Variants in SPMIP2 observed in about 807,000 individuals in gnomAD.
SPMIP2 encodes the protein sperm microtubule inner protein 2.
At chr4:158,941,219 T>G in the SPMIP2 span, among the ~76,000 whole-genome samples, 13 of 152,212 alleles carry the variant, frequency 8.5e-5, no homozygotes, top group Non-Finnish European at 1.9e-4. Context: ...TTAACATCTG[T>G]GTTTTCTCTC....
At chr4:159,049,157 C>T in the SPMIP2 span, among the ~76,000 whole-genome samples, 2 of 152,168 alleles carry the variant, frequency 1.3e-5, no homozygotes, top group African/African-American at 2.4e-5. Context: ...GATAAAGCAA[C>T]GTCAGTTTGT....
At chr4:159,059,767 G>T in the SPMIP2 span, among the ~76,000 whole-genome samples, 1 of 152,164 alleles carries the variant, frequency 6.6e-6, no homozygotes, top group Non-Finnish European at 1.5e-5. Context: ...GAGCATCAAA[G>T]GATTAATTGA....
At chr4:158,979,791 T>TA in the SPMIP2 span, among the ~76,000 whole-genome samples, 8 of 66,350 alleles carry the variant, frequency 1.2e-4, no homozygotes, top group Admixed American at 1.3e-3. Flanking sequence ...TTGCAAGAGT[T>TA]TTTTTTTTTT....
chr4:158,927,707 G>A, the SPMIP2 span, among the ~76,000 whole-genome samples: 1 of 152,270 alleles, frequency 6.6e-6, no homozygotes, highest in Non-Finnish European at 1.5e-5. Flanking sequence ...TGGAGGGAGA[G>A]GCGCCAGTGG....
chr4:159,025,203 C>T, the SPMIP2 span, among the ~76,000 whole-genome samples: 14 of 152,264 alleles, frequency 9.2e-5, no homozygotes, highest in African/African-American at 2.2e-4. Context: ...CTTGCTCTGT[C>T]GCACAGGCTG....
the SPMIP2 span, among the ~76,000 whole-genome samples, chr4:158,993,612 A>T: frequency 4.4e-4 from 67 of 152,254 alleles, 1 homozygote; most frequent in South Asian, 2.5e-3. Context: ...CAGCTACTAC[A>T]TGTCAGGCAC....
At chr4:159,000,622 T>C in the SPMIP2 span, among the ~76,000 whole-genome samples, 1 of 151,778 alleles carries the variant, frequency 6.6e-6, no homozygotes, top group Non-Finnish European at 1.5e-5. Flanking sequence ...GCCTCCCTAG[T>C]ATCTGAGATT....
the SPMIP2 span, among the ~76,000 whole-genome samples, chr4:158,992,311 T>C: frequency 6.6e-6 from 1 of 152,204 alleles, no homozygotes; most frequent in Non-Finnish European, 1.5e-5. Context: ...CTGGCTACAT[T>C]TGCCTTGCAG....
chr4:158,980,343 T>C, the SPMIP2 span, among the ~76,000 whole-genome samples: 88 of 151,972 alleles, frequency 5.8e-4, no homozygotes, highest in Non-Finnish European at 1.2e-3. Flanking sequence ...CAGCACAGCA[T>C]TCGAGCTCTG....
the SPMIP2 span, among the ~76,000 whole-genome samples, chr4:159,082,449 CTGTGTGTGTGTGTGTG>C: frequency 4.5e-5 from 5 of 111,660 alleles, no homozygotes; most frequent in Non-Finnish European, 7.5e-5. Flanking sequence ...CCACTTTTCT[CTGTGTGTGTGTGTGTG>C]TGTGTGTGTG....
the SPMIP2 span, chr4:158,915,184 G>T: frequency 1.9e-6 from 3 of 1,604,070 alleles, no homozygotes; most frequent in Admixed American, 1.7e-5. Flanking sequence ...TCCTTTTTTG[G>T]TAGCTTCGGC....
the SPMIP2 span, among the ~76,000 whole-genome samples, chr4:159,019,364 G>A: frequency 6.7e-6 from 1 of 148,876 alleles, no homozygotes; most frequent in Non-Finnish European, 1.5e-5. Flanking sequence ...TCTCATAATT[G>A]CACAAGATTT....
chr4:158,942,437 A>G, the SPMIP2 span, among the ~76,000 whole-genome samples: 1 of 152,208 alleles, frequency 6.6e-6, no homozygotes, highest in African/African-American at 2.4e-5. Flanking sequence ...AACTGTGTTA[A>G]GTATCCAAAC....
chr4:158,934,467 T>C, the SPMIP2 span, among the ~76,000 whole-genome samples: 3 of 150,144 alleles, frequency 2.0e-5, no homozygotes, highest in Non-Finnish European at 4.4e-5. Flanking sequence ...GTCTCAAAAA[T>C]AAAATAAAAT....
chr4:159,040,079 G>T, the SPMIP2 span, among the ~76,000 whole-genome samples: 51,694 of 151,930 alleles, frequency 0.34, 9,278 homozygotes, highest in East Asian at 0.64. Context: ...CCACCGTTTA[G>T]CAGTGAACCT....
the SPMIP2 span, among the ~76,000 whole-genome samples, chr4:158,992,761 G>A: frequency 3.2e-3 from 484 of 152,336 alleles, 2 homozygotes; most frequent in Admixed American, 4.4e-3. Context: ...TCCCAACAGG[G>A]CAGCAGGTGG....
chr4:158,972,386 CT>C, the SPMIP2 span, among the ~76,000 whole-genome samples: 11 of 152,160 alleles, frequency 7.2e-5, no homozygotes, highest in Non-Finnish European at 1.6e-4. Flanking sequence ...ATGGTTTTTC[CT>C]TTTGTTAACC....
At chr4:159,042,201 T>TA in the SPMIP2 span, among the ~76,000 whole-genome samples, 6 of 152,152 alleles carry the variant, frequency 3.9e-5, no homozygotes, top group Non-Finnish European at 5.9e-5. Context: ...CCTGTAACTA[T>TA]AAAAAATCAA....
At chr4:158,907,148 T>G in the SPMIP2 span, 2 of 152,254 alleles carry the variant, frequency 1.3e-5, no homozygotes, top group African/African-American at 4.8e-5. Context: ...TGCAGTTTTA[T>G]TTTTAATAAA....
Sources: gnomAD v4.1 joint callset for allele counts (sites outside exome capture counted in the v4.1 genomes callset) on GRCh38, gnomAD v4.1.1 for gene constraint, MANE v1.5 for transcripts, NCBI Gene and HGNC (gene_info 2026-07-23, HGNC 2026-07-21) for gene names.